Variants in FAM120B observed in about 807,000 individuals in gnomAD.
FAM120B encodes constitutive coactivator of peroxisome proliferator-activated receptor gamma.
FAM120B carries 83 observed loss-of-function variants against 96.3 expected under a neutral mutation model. That is an observed-to-expected ratio of 0.86 (90% CI 0.72 to 1.03). FAM120B has a LOEUF of 1.03. Ranked by LOEUF, FAM120B falls within the 50% of genes least tolerant of loss-of-function variation. The pLI, the probability that FAM120B is intolerant of heterozygous loss-of-function variation, is 0.00. For synonymous variants in FAM120B, 407 were observed against 402.7 expected (o/e 1.01, Z -0.13); for missense variants, 1,027 against 1,121.2 (o/e 0.92, Z 1.20).
At chr6:170,329,725 T>C (rs1417784278) in intron 3 of FAM120B, among the ~76,000 whole-genome samples, 1 of 152,168 alleles carries the variant, frequency 6.6e-6, no homozygotes, top group Non-Finnish European at 1.5e-5. Context: ...ACTCTCTTTC[T>C]TCATCTTTTG....
At chr6:170,337,274 G>C (rs907964786) in intron 4 of FAM120B, among the ~76,000 whole-genome samples, 6 of 152,170 alleles carry the variant, frequency 3.9e-5, no homozygotes, top group African/African-American at 1.4e-4. Flanking sequence ...GGCCTTTTCT[G>C]CATCTATTGA....
intron 1 of FAM120B, among the ~76,000 whole-genome samples, chr6:170,316,278 T>C (rs1485910225): frequency 6.6e-6 from 1 of 152,154 alleles, no homozygotes; most frequent in African/African-American, 2.4e-5. Context: ...CCCATGTGCT[T>C]AGTCACCTCA....
At chr6:170,299,242 A>G (rs1485496758) in intron 1 of FAM120B, among the ~76,000 whole-genome samples, 1 of 152,208 alleles carries the variant, frequency 6.6e-6, no homozygotes, top group Non-Finnish European at 1.5e-5. Context: ...CAATTAATAT[A>G]GGCTTACTCA....
In FAM120B at chr6:170,334,547, G is replaced by GGTGTGTGT. The variant is rs10560646; in HGVS notation, c.2017+4017_2017+4024dup. 3.7e-3 allele frequency among the ~76,000 whole-genome samples: 561 copies of GGTGTGTGT among 149,792 alleles called. 3 individuals carry two copies. Among genetic ancestry groups the GGTGTGTGT allele is most frequent in the African/African-American group, 0.013 (528 of 40,808 alleles). On this transcript the variant is annotated intron_variant, in intron 4 of 10. Transcript: ENST00000476287. The stretch of plus-strand genomic sequence containing the variant: ...TTTCTGTGAGTGGTAAAAGGAAGCT[G>GGTGTGTGT]GTGTGTGTGTGTGTGTGTGTGTGTG...
At chr6:170,291,557 T>A (rs1037663819), upstream of FAM120B, among the ~76,000 whole-genome samples, 1 of 151,514 alleles carries the variant, frequency 6.6e-6, no homozygotes, top group Non-Finnish European at 1.5e-5. Context: ...TCGGGGAGCA[T>A]CGTAGGAAAG....
At chr6:170,290,708 TCGG>T, upstream of FAM120B, 3 of 335,820 alleles carry the variant, frequency 8.9e-6, no homozygotes, top group Non-Finnish European at 1.6e-5. This position sits in a 1 kb window ranked among gnomAD's most constrained non-coding sequence, Gnocchi z 4.7. Flanking sequence ...CCGGTGTCAC[TCGG>T]CGGCGGCGGT....
At chr6:170,335,764 T>C (rs1366282101) in intron 4 of FAM120B, among the ~76,000 whole-genome samples, 1 of 152,236 alleles carries the variant, frequency 6.6e-6, no homozygotes, top group East Asian at 1.9e-4. Context: ...CATGAAATGG[T>C]ATCTCATTGT....
upstream of FAM120B, among the ~76,000 whole-genome samples, chr6:170,293,115 CA>C (rs1286350921): frequency 6.6e-6 from 1 of 152,082 alleles, no homozygotes; most frequent in Admixed American, 6.5e-5. Context: ...ATGTTTCCTC[CA>C]AAAGCTGACT....
intron 6 of FAM120B, among the ~76,000 whole-genome samples, chr6:170,367,803 C>T (rs897650168): frequency 7.9e-5 from 12 of 152,194 alleles, no homozygotes; most frequent in Non-Finnish European, 1.5e-4. Context: ...TGTGTCTTGG[C>T]ATTGGTCCTT....
At chr6:170,398,618 C>G (rs9460002) in intron 9 of FAM120B, among the ~76,000 whole-genome samples, 2,657 of 32,718 alleles carry the variant, frequency 0.081, 800 homozygotes, top group East Asian at 0.6. Context: ...CTTAACTCTT[C>G]GGAGTGAGTG....
chr6:170,297,225 T>TC (rs1784035312), intron 1 of FAM120B, among the ~76,000 whole-genome samples: 3 of 152,050 alleles, frequency 2.0e-5, no homozygotes, highest in African/African-American at 7.2e-5. Context: ...TTCACGAATG[T>TC]CCCCACGGGA....
chr6:170,395,479 TCC>T lies in FAM120B; in HGVS notation c.2600-6_2600-5del, dbSNP rs780703249. 2.6e-4 allele frequency: 410 copies of T among 1,578,944 alleles called. No homozygotes were observed. In the Middle Eastern group the frequency reaches 3.8e-3, roughly 15 times the overall value. On this transcript the variant is annotated splice_region_variant and splice_polypyrimidine_tract_variant and intron_variant, in intron 8 of 10. Transcript: ENST00000476287. ...ACTTACTAATCTTCTGACTATGTGT[TCC>T]CACAGGGAGGTGGGGAAGACAGGGC...
intron 1 of FAM120B, among the ~76,000 whole-genome samples, chr6:170,313,222 A>G (rs1784698440): frequency 6.6e-6 from 1 of 152,194 alleles, no homozygotes; most frequent in African/African-American, 2.4e-5. Flanking sequence ...CTGGCAAGGG[A>G]TAAATATTAA....
intron 5 of FAM120B, among the ~76,000 whole-genome samples, chr6:170,354,974 A>G (rs1258598278): frequency 6.6e-6 from 1 of 152,164 alleles, no homozygotes; most frequent in Non-Finnish European, 1.5e-5. Context: ...CATATGAAGA[A>G]AAGTTCAACA....
chr6:170,394,534 C>T (rs111435495), intron 8 of FAM120B, among the ~76,000 whole-genome samples: 2 of 125,964 alleles, frequency 1.6e-5, no homozygotes. Context: ...CCGCAGCATG[C>T]CAGCACAAGG....
chr6:170,301,821 T>C (rs776366505), upstream of FAM120B, among the ~76,000 whole-genome samples: 23 of 152,204 alleles, frequency 1.5e-4, no homozygotes, highest in Non-Finnish European at 2.9e-4. Flanking sequence ...TCATTGTCCA[T>C]ATCACTAACA....
intron 6 of FAM120B, among the ~76,000 whole-genome samples, chr6:170,364,529 A>G (rs1423086656): frequency 6.6e-6 from 1 of 152,222 alleles, no homozygotes; most frequent in East Asian, 1.9e-4. Flanking sequence ...CATTAAATGG[A>G]TACCTGCAAT....
At chr6:170,297,949 A>C (rs1784055574) in intron 1 of FAM120B, 1 of 152,230 alleles carries the variant, frequency 6.6e-6, no homozygotes, top group African/African-American at 2.4e-5. Flanking sequence ...CACAGCCAAA[A>C]GGTAACATAA....
upstream of FAM120B, among the ~76,000 whole-genome samples, chr6:170,295,097 G>A (rs911701762): frequency 6.6e-6 from 1 of 152,222 alleles, no homozygotes; most frequent in African/African-American, 2.4e-5. This position sits in a 1 kb window ranked among gnomAD's most constrained non-coding sequence, Gnocchi z 7.8. Flanking sequence ...AGCAGTTAAC[G>A]TAGCAGAGGA....
Sources: allele counts gnomAD v4.1 joint callset (sites outside exome capture counted in the v4.1 genomes callset), GRCh38; gene constraint gnomAD v4.1.1; non-coding constraint Gnocchi (gnomAD v3.1); transcripts MANE v1.5; gene names NCBI Gene and HGNC (gene_info 2026-07-23, HGNC 2026-07-21).